EPB41L4A: variants seen among roughly 807,000 people sequenced by gnomAD.
EPB41L4A encodes erythrocyte membrane protein band 4.1 like 4A.
In EPB41L4A, 100 loss-of-function variants were observed where a neutral mutation model predicts 108.6. The observed-to-expected ratio is 0.92, with a 90% confidence interval of 0.78 to 1.09. EPB41L4A has a LOEUF of 1.09. Among genes scored for constraint, EPB41L4A ranks in the 50% least tolerant of loss-of-function variants. EPB41L4A has a pLI of 0.00. For missense variants in EPB41L4A, 1,030 were observed against 842.7 expected (o/e 1.22, Z -2.75); for synonymous variants, 319 against 289.0 (o/e 1.10, Z -1.05).
intron 1 of EPB41L4A, among the ~76,000 whole-genome samples, chr5:112,387,839 T>C (rs1760665346): frequency 6.6e-6 from 1 of 152,168 alleles, no homozygotes; most frequent in Non-Finnish European, 1.5e-5. Flanking sequence ...TAGTATACAA[T>C]CATATTAAAG....
chr5:112,191,133 T>C (rs1452212613), intron 17 of EPB41L4A, among the ~76,000 whole-genome samples: 2 of 152,168 alleles, frequency 1.3e-5, no homozygotes, highest in East Asian at 1.9e-4. Flanking sequence ...CCTAGAAAGC[T>C]GTAGGATACC....
chr5:112,216,883 A>G (rs1394099839), intron 12 of EPB41L4A, among the ~76,000 whole-genome samples: 2 of 152,256 alleles, frequency 1.3e-5, no homozygotes, highest in African/African-American at 4.8e-5. Flanking sequence ...ATAGCAAATT[A>G]GCAAAATAAA....
intron 1 of EPB41L4A, among the ~76,000 whole-genome samples, chr5:112,333,278 T>C (rs1246799316): frequency 1.3e-5 from 2 of 149,534 alleles, no homozygotes; most frequent in African/African-American, 2.5e-5. Flanking sequence ...CTAGGAAATA[T>C]ATTGGGGGGT....
chr5:112,300,616 C>T (rs1392912409), intron 2 of EPB41L4A, among the ~76,000 whole-genome samples: 1 of 152,142 alleles, frequency 6.6e-6, no homozygotes, highest in African/African-American at 2.4e-5. Context: ...AACCTGATGA[C>T]AATGTGCCTA....
At chr5:112,227,909 G>T (rs953328540) in intron 12 of EPB41L4A, among the ~76,000 whole-genome samples, 1 of 152,184 alleles carries the variant, frequency 6.6e-6, no homozygotes, top group Non-Finnish European at 1.5e-5. Flanking sequence ...TACCCTCAGG[G>T]GAATCATTCA....
rs1432593484 is a variant in EPB41L4A at position 112,234,647 on chromosome 5, T to A, written c.1074A>T (p.Gln358His). 5 of 1,613,182 alleles carry A rather than the reference T, an allele frequency of 3.1e-6. No individual in the cohort carries two copies. The Middle Eastern group carries it at 4.9e-4, about 159-fold the overall frequency. The part of the protein sequence containing the change: ...RSKTYPKRIA[Q>H]TQPAESNSIS... Reference sequence around the variant, plus strand: ...ACCATGACTTACCAGCTGGCTGTGTTTGTGCTATTCGCTTAGGGTAAGTCT... The same window carrying A: ...ACCATGACTTACCAGCTGGCTGTGTATGTGCTATTCGCTTAGGGTAAGTCT... Residue 358 changes from glutamine to histidine, a missense_variant, in exon 12 of 23, where the codon CAA becomes CAT. By Grantham distance (24) the Gln-to-His change is conservative. Transcript: ENST00000261486.
chr5:112,151,451 C>T (rs573799263), intron 12 of EPB41L4A, among the ~76,000 whole-genome samples: 62 of 151,076 alleles, frequency 4.1e-4, no homozygotes, highest in Non-Finnish European at 7.7e-4. Flanking sequence ...TCTGTCGCCC[C>T]GACTGGAGTG....
At chr5:112,154,502 T>A (rs373308553) in intron 12 of EPB41L4A, among the ~76,000 whole-genome samples, 1 of 152,216 alleles carries the variant, frequency 6.6e-6, no homozygotes, top group Non-Finnish European at 1.5e-5. Flanking sequence ...AATAAAGAGA[T>A]AGTTTTTTCT....
intron 10 of EPB41L4A, among the ~76,000 whole-genome samples, chr5:112,239,955 C>T (rs1749655438): frequency 6.6e-6 from 1 of 152,144 alleles, no homozygotes; most frequent in Non-Finnish European, 1.5e-5. Context: ...CTTAATGTAT[C>T]ACCAGCTAAA....
intron 1 of EPB41L4A, among the ~76,000 whole-genome samples, chr5:112,312,223 T>G (rs1390327453): frequency 6.6e-6 from 1 of 152,152 alleles, no homozygotes; most frequent in Non-Finnish European, 1.5e-5. Flanking sequence ...ATACAGAAAC[T>G]CTAAAATTTT....
chr5:112,293,788 G>A (rs1185773989), intron 2 of EPB41L4A, among the ~76,000 whole-genome samples: 1 of 152,204 alleles, frequency 6.6e-6, no homozygotes, highest in East Asian at 1.9e-4. Flanking sequence ...TTTCAGGCAT[G>A]TCAGCTGCTG....
intron 4 of EPB41L4A, 127 bp downstream of exon 4, chr5:112,275,199 A>G: frequency 8.3e-7 from 1 of 1,198,774 alleles, no homozygotes; most frequent in Non-Finnish European, 1.1e-6. Context: ...TTACCCTCTA[A>G]GGAGATGCGT....
rs185570491 is a variant in EPB41L4A at position 112,189,981 on chromosome 5, G to T, written c.1502+4587C>A. ...GGTCCTCCTTCATCCTACACCCTGGGCAAGTCCAGCACATGGCCCATGGTC... is the reference window on the plus strand; with the variant it reads ...GGTCCTCCTTCATCCTACACCCTGGTCAAGTCCAGCACATGGCCCATGGTC... On this transcript the variant is annotated intron_variant, in intron 17 of 22. Coordinates refer to ENST00000261486, the MANE Select transcript of EPB41L4A (RefSeq NM_022140.5). Among the ~76,000 whole-genome samples, 10 of 152,200 alleles carry T rather than the reference G, an allele frequency of 6.6e-5. No homozygotes were observed. The East Asian group carries it at 1.9e-3, about 29-fold the overall frequency.
chr5:112,266,808 C>T (rs1311550665), intron 4 of EPB41L4A, among the ~76,000 whole-genome samples: 1 of 152,250 alleles, frequency 6.6e-6, no homozygotes. Context: ...CTATTATCTG[C>T]TCATTCCATG....
At chr5:112,215,540 A>T (rs1428309254) in intron 12 of EPB41L4A, among the ~76,000 whole-genome samples, 1 of 152,158 alleles carries the variant, frequency 6.6e-6, no homozygotes, top group Non-Finnish European at 1.5e-5. Flanking sequence ...AGGCGGGCGG[A>T]TCATGAGGTC....
chr5:112,181,282 T>TCTA (rs1288995251), intron 18 of EPB41L4A, among the ~76,000 whole-genome samples: 5 of 152,036 alleles, frequency 3.3e-5, no homozygotes, highest in Non-Finnish European at 7.4e-5. Flanking sequence ...AAACCCCGTC[T>TCTA]CTACTAAATA....
intron 14 of EPB41L4A, among the ~76,000 whole-genome samples, chr5:112,205,149 GA>G (rs1762411680): frequency 6.6e-6 from 1 of 152,178 alleles, no homozygotes; most frequent in Admixed American, 6.5e-5. Context: ...AGAGTTTTCA[GA>G]AATATATTAC....
chr5:112,143,412 G>C (rs1183202203), exon 14 of EPB41L4A: 2 of 152,342 alleles, frequency 1.3e-5, no homozygotes, highest in East Asian at 3.9e-4. Context: ...CTGTTTTTAT[G>C]TTAATGAAGT....
chr5:112,291,737 G>T (rs1753655799), intron 2 of EPB41L4A, among the ~76,000 whole-genome samples: 1 of 152,228 alleles, frequency 6.6e-6, no homozygotes, highest in African/African-American at 2.4e-5. Context: ...GGTCCAGGGA[G>T]CTTCTAGGTA....
Sources: gnomAD v4.1 joint callset for allele counts (sites outside exome capture counted in the v4.1 genomes callset) on GRCh38, gnomAD v4.1.1 for gene constraint, MANE v1.5 for transcripts, NCBI Gene and HGNC (gene_info 2026-07-23, HGNC 2026-07-21) for gene names.